LGI2: variants seen among roughly 807,000 people sequenced by gnomAD.
The protein encoded by LGI2 is leucine-rich repeat LGI family member 2.
LGI2 carries 30 observed loss-of-function variants against 52.0 expected under a neutral mutation model. The ratio of observed to expected loss-of-function variants is 0.58; its 90% confidence interval spans 0.43 to 0.78. LGI2 has a LOEUF of 0.78. Among genes scored for constraint, LGI2 ranks in the 30% least tolerant of loss-of-function variants. The pLI is 0.00. For synonymous variants in LGI2, 270 were observed against 271.8 expected, an observed-to-expected ratio of 0.99 and a Z score of 0.06; for missense variants, 573 against 692.5, an observed-to-expected ratio of 0.83 and a Z score of 1.94.
rs1726315439 is a variant in LGI2 at position 25,030,701 on chromosome 4, C to G, written c.-8G>C. 1 of 1,301,240 alleles carries G rather than the reference C, an allele frequency of 7.7e-7. No individual in the cohort carries two copies. Among genetic ancestry groups the G allele is most frequent in the Admixed American group, 4.2e-5 (1 of 23,616 alleles). The allele number at this position is 1,301,240 out of a possible 1,614,324, so 80.6% of individuals were successfully genotyped here. ...GCCTCTCCGCAGCGCCATGCCCGGTCCCCGCTCCCCGCCCGGGCCCCGACC... is the reference window on the plus strand; with the variant it reads ...GCCTCTCCGCAGCGCCATGCCCGGTGCCCGCTCCCCGCCCGGGCCCCGACC... On this transcript the variant is annotated 5_prime_UTR_variant, in exon 1 of 8. Coordinates refer to ENST00000382114, the MANE Select transcript of LGI2 (RefSeq NM_018176.4).
At chr4:25,026,754 T>G (rs1026545074) in intron 3 of LGI2, 114 bp downstream of exon 3, 1 of 797,000 alleles carries the variant, frequency 1.3e-6, no homozygotes, top group African/African-American at 1.7e-5. Flanking sequence ...TGGGGTGTTC[T>G]CCAGTTTCTC....
At chr4:25,024,735 G>T in intron 4 of LGI2, 85 bp downstream of exon 4, 1 of 897,038 alleles carries the variant, frequency 1.1e-6, no homozygotes. Context: ...TTCAGGGACA[G>T]TTACAGCCAA....
chr4:24,992,801 C>A, the LGI2 span, among the ~76,000 whole-genome samples: 1 of 152,152 alleles, frequency 6.6e-6, no homozygotes, highest in Non-Finnish European at 1.5e-5. Flanking sequence ...CCCCTCACCC[C>A]TCACCCCACT....
chr4:25,005,238 T>C (rs1177868578), intron 7 of LGI2, among the ~76,000 whole-genome samples: 2 of 152,226 alleles, frequency 1.3e-5, no homozygotes, highest in Admixed American at 1.3e-4. Flanking sequence ...ATGTACCTAA[T>C]GCCACTGACC....
intron 4 of LGI2, among the ~76,000 whole-genome samples, chr4:25,023,068 T>TTGATGATGATGATGATGATGATGA (rs59366282): frequency 2.0e-5 from 3 of 151,032 alleles, no homozygotes; most frequent in Non-Finnish European, 2.9e-5. Context: ...TATGTTGATG[T>TTGATGATGATGATGATGATGATGA]TGATGATGAT....
intron 4 of LGI2, among the ~76,000 whole-genome samples, chr4:25,021,588 A>C (rs1394356131): frequency 6.6e-6 from 1 of 152,146 alleles, no homozygotes; most frequent in Admixed American, 6.5e-5. Context: ...TACACAGTAT[A>C]TTAAATGCTT....
At chr4:25,013,059 G>A (rs191309243) in intron 6 of LGI2, among the ~76,000 whole-genome samples, 10 of 152,248 alleles carry the variant, frequency 6.6e-5, no homozygotes, top group Admixed American at 1.3e-4. Flanking sequence ...CCCACTGCAC[G>A]TTCAGAATGA....
chr4:25,003,698 G>A lies in LGI2; in HGVS notation c.1391C>T (p.Ala464Val). The A allele has an allele frequency of 6.2e-7, 1 of 1,614,138 alleles. No individual in the cohort carries two copies. Among genetic ancestry groups the A allele is most frequent in the Non-Finnish European group, 8.5e-7 (1 of 1,180,036 alleles). ...AAAAGAAAAGGGCTGCAGGGTCATG[G>A]CCCCCCGGGATGGAAGAGCTTGGAT... is the stretch of plus-strand genomic sequence containing the variant. ...VEIQALPSRGAMTLQPFSFKD... is the reference protein window; with the variant it reads ...VEIQALPSRGVMTLQPFSFKD... Residue 464 changes from alanine to valine, a missense_variant, in exon 8 of 8, where the codon GCC (alanine) becomes GTC (valine). Ala to Val is a moderately conservative substitution (Grantham distance 64). Transcript: ENST00000382114.
At chr4:25,012,254 A>T in intron 7 of LGI2, 81 bp downstream of exon 7, 3 of 1,499,544 alleles carry the variant, frequency 2.0e-6, no homozygotes, top group Non-Finnish European at 2.8e-6. Flanking sequence ...CTCTCCCTCA[A>T]TACAGAGGAC....
intron 7 of LGI2, among the ~76,000 whole-genome samples, chr4:25,010,837 C>T (rs955268188): frequency 6.6e-6 from 1 of 152,190 alleles, no homozygotes; most frequent in Non-Finnish European, 1.5e-5. Flanking sequence ...AATCCCAGCA[C>T]TTTGGGAGGC....
Position 25,012,497 on chromosome 4 carries a change from A to G in LGI2, c.658T>C (p.Phe220Leu). Residue 220 changes from phenylalanine to leucine, a missense_variant and splice_region_variant, in exon 7 of 8, where the codon TTT becomes CTT. By Grantham distance (22) the Phe-to-Leu change is conservative. Transcript: ENST00000382114. ...TAGGGTAAAGTCTGATGAACAACAA[A>G]ATCTGGGGATGGGTGTTTAAAAAGA... is the stretch of plus-strand genomic sequence containing the variant. ...SFDYECTTTD[F>L]VVHQTLPYQS... The G allele has an allele frequency of 6.2e-7, 1 of 1,613,284 alleles. No homozygotes were observed. The highest frequency in any genetic ancestry group is 1.3e-5 in the African/African-American group (1 of 75,018).
intron 4 of LGI2, among the ~76,000 whole-genome samples, chr4:25,021,905 T>A (rs1725973954): frequency 7.9e-6 from 1 of 127,264 alleles, no homozygotes. Flanking sequence ...CACTCCAGCC[T>A]AGGTAGCAGA....
Position 25,030,514 on chromosome 4 carries a change from CGGCACGATCCTG to C in LGI2, c.168_179del (p.Arg57_Pro60del), listed in dbSNP as rs1344703699. 6.3e-7 allele frequency: 1 copy of C among 1,592,976 alleles called. No individual in the cohort carries two copies. Among genetic ancestry groups the C allele is most frequent in the Non-Finnish European group, 8.5e-7 (1 of 1,171,600 alleles). On this transcript the variant is annotated inframe_deletion, in exon 1 of 8. Coordinates refer to ENST00000382114, the MANE Select transcript of LGI2 (RefSeq NM_018176.4). Reference sequence around the variant, plus strand: ...CCACTCACAGGGAGCTGATGTCGCCCGGCACGATCCTGGGCACCCAGGAAGAGCCCACGCAGA... The same window carrying C: ...CCACTCACAGGGAGCTGATGTCGCCCGGCACCCAGGAAGAGCCCACGCAGA...
rs1010113287 is a variant in LGI2 at position 24,999,563 on chromosome 4, G to A, written c.*3888C>T. ...TTAAAGAACTTCCTTCCGCAGCTGCGAAGGAGAGGCTGATACCTCTGCAGA... is the reference window on the plus strand; with the variant it reads ...TTAAAGAACTTCCTTCCGCAGCTGCAAAGGAGAGGCTGATACCTCTGCAGA... On this transcript the variant is annotated 3_prime_UTR_variant, in exon 8 of 8. Transcript: ENST00000382114. 4 of 236,144 alleles carry A rather than the reference G, an allele frequency of 1.7e-5. No homozygotes were observed. Among genetic ancestry groups the A allele is most frequent in the South Asian group, 5.1e-5 (1 of 19,602 alleles). The allele number at this position is 236,144 out of a possible 1,614,324, so 14.6% of individuals were successfully genotyped here. A position where few individuals can be genotyped will look rare whatever the true frequency, so the allele number is the denominator to read the frequency against.
At chr4:25,028,477 C>G (rs763864900) in intron 2 of LGI2, 30 bp downstream of exon 2, 1 of 1,603,114 alleles carries the variant, frequency 6.2e-7, no homozygotes, top group South Asian at 1.1e-5. Context: ...CAGGGCCCCC[C>G]ATTGTGCAGA....
At chr4:25,021,728 G>A (rs1189833661) in intron 4 of LGI2, among the ~76,000 whole-genome samples, 1 of 152,076 alleles carries the variant, frequency 6.6e-6, no homozygotes. Context: ...TCAGGAGATT[G>A]AGACCATCCT....
In LGI2 at chr4:25,012,335, C is replaced by T. The variant is rs1444125505; in HGVS notation, c.820G>A (p.Gly274Ser). ...ACATCTGATCAAAGCCACAACACACCTGTAATGTTGTCATAGCTCCGGAAA... is the reference window on the plus strand; with the variant it reads ...ACATCTGATCAAAGCCACAACACACTTGTAATGTTGTCATAGCTCCGGAAA... ...MNFRSYDNIT[G>S]QSIVGCKAIL... Residue 274 changes from glycine to serine, a missense_variant and splice_region_variant, in exon 7 of 8, where the codon GGT becomes AGT. By Grantham distance (56) the Gly-to-Ser change is moderately conservative. Coordinates refer to ENST00000382114, the MANE Select transcript of LGI2 (RefSeq NM_018176.4). 2 of 1,614,088 alleles carry T rather than the reference C, an allele frequency of 1.2e-6. No individual in the cohort carries two copies. Among genetic ancestry groups the T allele is most frequent in the Non-Finnish European group, 1.7e-6 (2 of 1,180,026 alleles).
At chr4:25,009,159 A>G (rs1468820420) in intron 7 of LGI2, among the ~76,000 whole-genome samples, 1 of 152,208 alleles carries the variant, frequency 6.6e-6, no homozygotes, top group Non-Finnish European at 1.5e-5. Flanking sequence ...TTCAGAGGAA[A>G]AGCCAAGTCC....
At chr4:25,012,300 T>G in intron 7 of LGI2, 35 bp downstream of exon 7, 1 of 1,610,656 alleles carries the variant, frequency 6.2e-7, no homozygotes, top group African/African-American at 1.3e-5. Flanking sequence ...AATGCTGAAA[T>G]TAGTTCAACA....
Sources: gnomAD v4.1 joint callset for allele counts (sites outside exome capture counted in the v4.1 genomes callset) on GRCh38, gnomAD v4.1.1 for gene constraint, MANE v1.5 for transcripts, NCBI Gene and HGNC (gene_info 2026-07-23, HGNC 2026-07-21) for gene names.